The following SOCS6 variants were observed in gnomAD, a reference collection of about 807,000 sequenced individuals.
The protein encoded by SOCS6 is suppressor of cytokine signaling 6.
In SOCS6, 5 loss-of-function variants were observed where a neutral mutation model predicts 27.7. The ratio of observed to expected loss-of-function variants is 0.18; its 90% CI spans 0.09 to 0.38. SOCS6 has a LOEUF of 0.38. Among genes scored for constraint, SOCS6 ranks in the 10% least tolerant of loss-of-function variants. The pLI is 1.00. For synonymous variants in SOCS6, 271 were observed against 260.0 expected, an observed-to-expected ratio of 1.04 and a Z score of -0.41; for missense variants, 595 against 688.1, an observed-to-expected ratio of 0.86 and a Z score of 1.51.
intron 1 of SOCS6, among the ~76,000 whole-genome samples, chr18:70,299,203 C>T (rs1475233812): frequency 6.6e-6 from 1 of 152,134 alleles, no homozygotes; most frequent in African/African-American, 2.4e-5. Context: ...CCACAGGCAA[C>T]GGGCTGAGTC....
At chr18:70,318,253 TTTA>T (rs1305869212) in intron 1 of SOCS6, among the ~76,000 whole-genome samples, 1 of 152,328 alleles carries the variant, frequency 6.6e-6, no homozygotes, top group East Asian at 1.9e-4. Flanking sequence ...CCTGCATTTA[TTTA>T]TTATTTCTAA....
intron 1 of SOCS6, among the ~76,000 whole-genome samples, chr18:70,294,642 G>A (rs12606632): frequency 0.29 from 43,588 of 152,220 alleles, 7,306 homozygotes; most frequent in East Asian, 0.71. Flanking sequence ...CAAGAGAAAT[G>A]GAAATGAAAG....
chr18:70,294,423 G>A (rs2062314524), intron 1 of SOCS6, among the ~76,000 whole-genome samples: 1 of 151,722 alleles, frequency 6.6e-6, no homozygotes, highest in African/African-American at 2.4e-5. Flanking sequence ...GGCTGTGGGA[G>A]TTTTGTTTTC....
At chr18:70,315,500 C>T (rs1233205212) in intron 1 of SOCS6, among the ~76,000 whole-genome samples, 1 of 152,026 alleles carries the variant, frequency 6.6e-6, no homozygotes, top group Non-Finnish European at 1.5e-5. Context: ...ATTTTGATTC[C>T]TCATGCATGT....
In SOCS6 at chr18:70,317,554, TACACAC is replaced by T. The variant is rs369682234; in HGVS notation, c.-126-6966_-126-6961del. ...TATATATACACACTTCATATATACATACACACACACACACACACACACACACACCAC... is the reference window on the plus strand; with the variant it reads ...TATATATACACACTTCATATATACATACACACACACACACACACACACCAC... On this transcript the variant is annotated intron_variant, in intron 1 of 1. Transcript: ENST00000397942. Among the ~76,000 whole-genome samples the T allele has an allele frequency of 6.3e-4, 87 of 139,106 alleles. 1 individual carries two copies. The highest frequency in any genetic ancestry group is 1.1e-3 in the African/African-American group (37 of 33,876). 91.3% of individuals were successfully genotyped at this position (139,106 alleles called of 152,430 possible). A position where few individuals can be genotyped will look rare whatever the true frequency, so the allele number is the denominator to read the frequency against.
At chr18:70,306,539 A>C (rs751841984) in intron 1 of SOCS6, among the ~76,000 whole-genome samples, 6 of 151,846 alleles carry the variant, frequency 4.0e-5, no homozygotes, top group Non-Finnish European at 8.8e-5. Context: ...AATTATGAAT[A>C]AAGATGGTTT....
chr18:70,326,121 G>A lies in SOCS6; in HGVS notation c.1453G>A (p.Val485Ile), dbSNP rs1281177015. Residue 485 changes from valine to isoleucine, a missense_variant, in exon 2 of 2, where the codon GTC becomes ATC. Coordinates refer to ENST00000397942, the MANE Select transcript of SOCS6 (RefSeq NM_004232.4). The part of the protein sequence containing the change: ...SRLPGSATYP[V>I]RLTNPVSRFM... ...GCTGCCTGGATCTGCAACTTACCCCGTCAGACTGACCAACCCAGTGTCCCG... is the reference window on the plus strand; with the variant it reads ...GCTGCCTGGATCTGCAACTTACCCCATCAGACTGACCAACCCAGTGTCCCG... The A allele has an allele frequency of 2.5e-6, 4 of 1,614,034 alleles. No homozygotes were observed. The highest frequency in any genetic ancestry group is 1.3e-5 in the African/African-American group (1 of 74,910).
chr18:70,315,941 G>T (rs971355024), intron 1 of SOCS6, among the ~76,000 whole-genome samples: 1 of 151,962 alleles, frequency 6.6e-6, no homozygotes, highest in African/African-American at 2.4e-5. Flanking sequence ...CGCGATCTTG[G>T]CTCACTGCAA....
intron 1 of SOCS6, among the ~76,000 whole-genome samples, chr18:70,324,073 C>T (rs1317486903): frequency 2.6e-5 from 4 of 152,024 alleles, no homozygotes; most frequent in African/African-American, 9.7e-5. Context: ...GAGGCCGAGG[C>T]GGGCGGATCA....
In SOCS6 at chr18:70,317,544, CAT is replaced by C. The variant is rs1289987244; in HGVS notation, c.-126-6993_-126-6992del. ...CATATATACGTATATATACACACTT[CAT>C]ATATACATACACACACACACACACA... On this transcript the variant is annotated intron_variant, in intron 1 of 1. Transcript: ENST00000397942. 8.8e-5 allele frequency among the ~76,000 whole-genome samples: 9 copies of C among 102,290 alleles called. 1 individual carries two copies. The highest frequency in any genetic ancestry group is 4.3e-4 in the African/African-American group (9 of 20,906). 67.1% of individuals were successfully genotyped at this position (102,290 alleles called of 152,430 possible).
intron 1 of SOCS6, among the ~76,000 whole-genome samples, chr18:70,308,427 G>C (rs531680581): frequency 4.0e-5 from 6 of 151,586 alleles, no homozygotes; most frequent in Non-Finnish European, 8.8e-5. Flanking sequence ...TCACTATGCT[G>C]TCCAGGCTGG....
intron 1 of SOCS6, among the ~76,000 whole-genome samples, chr18:70,316,046 C>CA (rs2062410050): frequency 6.6e-6 from 1 of 152,062 alleles, no homozygotes; most frequent in Non-Finnish European, 1.5e-5. Flanking sequence ...GACAGGGTTT[C>CA]AGCATGTTGG....
At chr18:70,316,073 C>G (rs530439284) in intron 1 of SOCS6, among the ~76,000 whole-genome samples, 2 of 152,044 alleles carry the variant, frequency 1.3e-5, no homozygotes, top group Admixed American at 1.3e-4. Flanking sequence ...TGGTCTTGAG[C>G]TCCTAACCTC....
In SOCS6 at chr18:70,326,720, A is replaced by T. The variant is rs561432277; in HGVS notation, c.*444A>T. On this transcript the variant is annotated 3_prime_UTR_variant, in exon 2 of 2. Coordinates refer to ENST00000397942, the MANE Select transcript of SOCS6 (RefSeq NM_004232.4). ...ATTTTCAAAAGACAGTGTTGAATAA[A>T]CATACCTGTGTGATAAAACACAGAA... 9 of 177,414 alleles carry T rather than the reference A, an allele frequency of 5.1e-5. No homozygotes were observed. The South Asian group carries it at 1.5e-3, about 29-fold the overall frequency. The allele number at this position is 177,414 out of a possible 1,614,324, so 11.0% of individuals were successfully genotyped here.
intron 1 of SOCS6, among the ~76,000 whole-genome samples, chr18:70,290,270 A>G (rs2062292922): frequency 6.6e-6 from 1 of 152,234 alleles, no homozygotes; most frequent in Admixed American, 6.5e-5. Flanking sequence ...TAAACGTTCT[A>G]CTTCAAGATA....
At chr18:70,316,946 C>T (rs940562153) in intron 1 of SOCS6, among the ~76,000 whole-genome samples, 1 of 152,174 alleles carries the variant, frequency 6.6e-6, no homozygotes. Context: ...TAGTTTAGCA[C>T]TTCTTTTAAG....
intron 1 of SOCS6, among the ~76,000 whole-genome samples, chr18:70,290,623 T>G (rs1475462301): frequency 6.6e-6 from 1 of 152,218 alleles, no homozygotes; most frequent in Non-Finnish European, 1.5e-5. Flanking sequence ...TAAGCCTGCC[T>G]TGGTGCCTTG....
intron 1 of SOCS6, among the ~76,000 whole-genome samples, chr18:70,316,157 A>T (rs758777490): frequency 1.3e-5 from 2 of 152,228 alleles, no homozygotes; most frequent in Non-Finnish European, 2.9e-5. Context: ...GCTGATATGT[A>T]GCATTTTCAT....
chr18:70,325,505 C>CTTCGTGGA lies in SOCS6; in HGVS notation c.839_846dup (p.Gln283SerfsTer6). ...AGGACCTAGTTGTCGCCCCAGAGATCTTCGTGGATCAGTCCGTGAATGGCT... is the reference window on the plus strand; with the variant it reads ...AGGACCTAGTTGTCGCCCCAGAGATCTTCGTGGATTCGTGGATCAGTCCGTGAATGGCT... On this transcript the variant is annotated frameshift_variant, in exon 2 of 2. Transcript: ENST00000397942. LOFTEE classifies it high-confidence loss of function. This position sits in a 1 kb window ranked among gnomAD's most constrained non-coding sequence, Gnocchi z 6.3. 2 of 1,614,138 alleles carry CTTCGTGGA rather than the reference C, an allele frequency of 1.2e-6. No individual in the cohort carries two copies. The highest frequency in any genetic ancestry group is 1.7e-6 in the Non-Finnish European group (2 of 1,180,028).
Sources: allele counts gnomAD v4.1 joint callset (sites outside exome capture counted in the v4.1 genomes callset), GRCh38; gene constraint gnomAD v4.1.1; non-coding constraint Gnocchi (gnomAD v3.1); transcripts MANE v1.5; gene names NCBI Gene and HGNC (gene_info 2026-07-23, HGNC 2026-07-21).